Variants in SLC25A33 observed in about 807,000 individuals in gnomAD.
SLC25A33 encodes the protein solute carrier family 25 member 33.
Under a neutral mutation model 35.5 loss-of-function variants are expected in SLC25A33, and 15 were observed. The ratio of observed to expected loss-of-function variants is 0.42; its 90% CI spans 0.28 to 0.65. The LOEUF (loss-of-function observed/expected upper bound fraction) is 0.65, where lower values mean the gene tolerates loss of function less well. Among genes scored for constraint, SLC25A33 ranks in the 30% least tolerant of loss-of-function variants. SLC25A33 has a pLI of 0.20. For synonymous variants in SLC25A33, 136 were observed against 148.7 expected (o/e 0.91, Z 0.62); for missense variants, 257 against 398.5 (o/e 0.64, Z 3.02).
At position 9,539,671 on chromosome 1, in the gene SLC25A33, G is replaced by A. The variant is rs907738995; in HGVS notation, c.-21G>A. 5.2e-6 allele frequency: 7 copies of A among 1,355,196 alleles called. No individual in the cohort carries two copies. The highest frequency in any genetic ancestry group is 5.5e-4 in the Middle Eastern group (2 of 3,642). The allele number at this position is 1,355,196 out of a possible 1,614,324, so 83.9% of individuals were successfully genotyped here. Reference sequence around the variant, plus strand: ...GCGCTCTCGCCACCGGGCGGCGACGGGCCGCGGAGCCGGCGCGGCCATGGC... The same window carrying A: ...GCGCTCTCGCCACCGGGCGGCGACGAGCCGCGGAGCCGGCGCGGCCATGGC... On this transcript the variant is annotated 5_prime_UTR_variant, in exon 1 of 7. Coordinates refer to ENST00000302692, the MANE Select transcript of SLC25A33 (RefSeq NM_032315.3).
intron 2 of SLC25A33, among the ~76,000 whole-genome samples, chr1:9,556,636 A>T (rs2100384298): frequency 6.6e-6 from 1 of 151,830 alleles, no homozygotes. Flanking sequence ...TCTAATCTCC[A>T]GTAAATCCAG....
intron 2 of SLC25A33, 62 bp from the exon 3 acceptor site, chr1:9,567,220 CTT>C: frequency 1.5e-6 from 2 of 1,374,940 alleles, no homozygotes; most frequent in Non-Finnish European, 2.1e-6. Flanking sequence ...AAGGTTGACT[CTT>C]TATCATTTTT....
At position 9,546,602 on chromosome 1, in the gene SLC25A33, T is replaced by C. The variant is rs943473602; in HGVS notation, c.56+6855T>C. Among the ~76,000 whole-genome samples the C allele has an allele frequency of 5.3e-5, 8 of 152,280 alleles. No individual in the cohort carries two copies. The East Asian group carries it at 1.5e-3, about 29-fold the overall frequency. ...TCAGAACTGTTAAGACAAGCATGAG[T>C]CCCAGCTGGCCTTTGGAAGATTATT... On this transcript the variant is annotated intron_variant, in intron 1 of 6. Coordinates refer to ENST00000302692, the MANE Select transcript of SLC25A33 (RefSeq NM_032315.3).
At chr1:9,561,245 CTT>C (rs1557530118) in intron 2 of SLC25A33, among the ~76,000 whole-genome samples, 1 of 152,048 alleles carries the variant, frequency 6.6e-6, no homozygotes, top group African/African-American at 2.4e-5. Context: ...GCGCAGCCCT[CTT>C]TTTGTTTTTT....
In SLC25A33 at chr1:9,583,316, A is replaced by T. The variant is rs1192175231; in HGVS notation, c.*815A>T. On this transcript the variant is annotated 3_prime_UTR_variant, in exon 7 of 7. Transcript: ENST00000302692. ...TTTGTACATTTCCAATTACTTGCAG[A>T]TTGATCATCTAAGCGTTCAGACTGC... The T allele has an allele frequency of 6.6e-6, 1 of 152,170 alleles. No homozygotes were observed. Among genetic ancestry groups the T allele is most frequent in the East Asian group, 1.9e-4 (1 of 5,200 alleles). The allele number at this position is 152,170 out of a possible 1,614,324, so 9.4% of individuals were successfully genotyped here.
chr1:9,564,741 T>TAC (rs1643477929), intron 2 of SLC25A33, among the ~76,000 whole-genome samples: 2 of 80,086 alleles, frequency 2.5e-5, no homozygotes, highest in South Asian at 8.7e-4. Context: ...AAAAAAAAAA[T>TAC]ATATATATAT....
At chr1:9,540,202 A>G (rs969877006) in intron 1 of SLC25A33, among the ~76,000 whole-genome samples, 19 of 152,132 alleles carry the variant, frequency 1.2e-4, no homozygotes, top group Admixed American at 1.2e-3. Context: ...GCGGGAGGTC[A>G]TCCGGACGGG....
At chr1:9,576,333 AAG>A (rs1378334903) in intron 5 of SLC25A33, 1 of 347,372 alleles carries the variant, frequency 2.9e-6, no homozygotes, top group Non-Finnish European at 5.6e-6. Flanking sequence ...AGGTTGGGTT[AAG>A]AGAGAGAAGG....
intron 1 of SLC25A33, among the ~76,000 whole-genome samples, chr1:9,546,652 C>A (rs1643174892): frequency 2.0e-5 from 3 of 152,160 alleles, no homozygotes; most frequent in Admixed American, 2.0e-4. Context: ...TCTTTAATTG[C>A]TTTCTTGAAA....
intron 4 of SLC25A33, among the ~76,000 whole-genome samples, chr1:9,571,846 G>C (rs1358081358): frequency 6.6e-6 from 1 of 152,074 alleles, no homozygotes; most frequent in Non-Finnish European, 1.5e-5. Flanking sequence ...TAACCATGTT[G>C]CCCAAGCTCG....
intron 2 of SLC25A33, among the ~76,000 whole-genome samples, chr1:9,564,409 A>T (rs563667792): frequency 6.6e-6 from 1 of 152,280 alleles, no homozygotes; most frequent in Non-Finnish European, 1.5e-5. Flanking sequence ...TGATCCAGCA[A>T]TTCCACTTGG....
In SLC25A33 at chr1:9,579,994, C is replaced by T. The variant is rs377558187; in HGVS notation, c.523C>T (p.Arg175Cys). ...GCAGATGAATACACTCCAGTGTGCT[C>T]GTTACGTTTACCAGACCGAAGGCAT... ...SKQMNTLQCA[R>C]YVYQTEGIRG... Residue 175 changes from arginine (R) to cysteine (C), a missense_variant, in exon 6 of 7, where the codon CGT becomes TGT. Physicochemically the swap from Arg to Cys is radical, Grantham distance 180 (BLOSUM62 -3). Transcript: ENST00000302692. The T allele has an allele frequency of 2.5e-6, 4 of 1,613,318 alleles. No individual in the cohort carries two copies. The highest frequency in any genetic ancestry group is 1.3e-5 in the African/African-American group (1 of 74,824).
chr1:9,576,394 AGCC>A, intron 5 of SLC25A33: 2 of 364,126 alleles, frequency 5.5e-6, no homozygotes, highest in South Asian at 4.2e-5. Flanking sequence ...TCTTAAGAAT[AGCC>A]AGGTGGGCTT....
intron 2 of SLC25A33, among the ~76,000 whole-genome samples, chr1:9,564,737 A>ATATATATATAT (rs1396734975): frequency 2.9e-4 from 21 of 72,720 alleles, no homozygotes; most frequent in Non-Finnish European, 2.9e-4. Context: ...AAAAAAAAAA[A>ATATATATATAT]AAATATATAT....
In SLC25A33 at chr1:9,553,662, A is replaced by G. The variant is rs1458150652; in HGVS notation, c.93A>G (p.Pro31=). 2.5e-6 allele frequency: 4 copies of G among 1,613,840 alleles called. No individual in the cohort carries two copies. The highest frequency in any genetic ancestry group is 2.5e-6 in the Non-Finnish European group (3 of 1,180,020). Residue 31 remains proline (P), a synonymous_variant, in exon 2 of 7, where the codon CCA becomes CCG. Transcript: ENST00000302692. ...CAGTTGGTGCTATTTTCACTTGTCCACTAGAAGTCATTAAGACACGGTTGC... is the reference window on the plus strand; with the variant it reads ...CAGTTGGTGCTATTTTCACTTGTCCGCTAGAAGTCATTAAGACACGGTTGC... The part of the protein sequence containing the change: ...GGTVGAIFTC[P]LEVIKTRLQS...
intron 1 of SLC25A33, among the ~76,000 whole-genome samples, chr1:9,550,112 C>T (rs1176932520): frequency 1.5e-5 from 2 of 130,038 alleles, no homozygotes; most frequent in African/African-American, 5.7e-5. Context: ...TCCTTGGGTT[C>T]AGGTGATCCT....
At chr1:9,579,440 GT>G (rs1219700728) in intron 5 of SLC25A33, among the ~76,000 whole-genome samples, 1 of 152,168 alleles carries the variant, frequency 6.6e-6, no homozygotes, top group African/African-American at 2.4e-5. Flanking sequence ...ATGTGCTGGA[GT>G]GGCTCACAGA....
chr1:9,561,914 C>T (rs935356687), intron 2 of SLC25A33, among the ~76,000 whole-genome samples: 1 of 152,116 alleles, frequency 6.6e-6, no homozygotes, highest in Non-Finnish European at 1.5e-5. Flanking sequence ...TTAGTTCAGA[C>T]AGCTCGATCG....
chr1:9,539,981 C>T (rs1643052686), intron 1 of SLC25A33, among the ~76,000 whole-genome samples: 1 of 152,164 alleles, frequency 6.6e-6, no homozygotes, highest in Non-Finnish European at 1.5e-5. Context: ...TGTGCCCCGC[C>T]GCCCGTCCTC....
Sources: allele counts gnomAD v4.1 joint callset (sites outside exome capture counted in the v4.1 genomes callset), GRCh38; gene constraint gnomAD v4.1.1; transcripts MANE v1.5; gene names NCBI Gene and HGNC (gene_info 2026-07-23, HGNC 2026-07-21).